FRMPD3: variants seen among roughly 807,000 people sequenced by gnomAD.
The protein encoded by FRMPD3 is FERM and PDZ domain-containing protein 3.
A neutral mutation model predicts 97.9 loss-of-function variants in FRMPD3; 42 were observed. The observed-to-expected ratio is 0.43, with a 90% CI of 0.34 to 0.55. FRMPD3 has a LOEUF of 0.55. FRMPD3 is among the 20% of genes least tolerant of loss of function. The probability of loss-of-function intolerance (pLI) is 0.03; values close to 1 mark genes in which losing one functional copy is unlikely to be tolerated. For missense variants in FRMPD3, 1,303 were observed against 1,457.7 expected (o/e 0.89, Z 1.73); for synonymous variants, 577 against 581.1 (o/e 0.99, Z 0.10).
intron 1 of FRMPD3, among the ~76,000 whole-genome samples, chrX:107,472,557 A>C (rs1921091140): frequency 9.0e-6 from 1 of 111,169 alleles, no homozygotes. Context: ...AAGTGTGTGA[A>C]TCCTTCACCG....
At chrX:107,573,849 G>T (rs180986304) in intron 12 of FRMPD3, among the ~76,000 whole-genome samples, 102 of 112,601 alleles carry the variant, frequency 9.1e-4, no homozygotes, top group Non-Finnish European at 1.7e-3. Context: ...AATAGGAAAA[G>T]AATTTAAAGG....
Position 107,583,721 on chromosome X carries a change from C to G in FRMPD3, c.1441+7262C>G, listed in dbSNP as rs537815804. On this transcript the variant is annotated intron_variant, in intron 13 of 14. Transcript: ENST00000683843. ...CTCCCACCAACAGTGTAAAAGCATT[C>G]CTATTTCTCCACAGCCTCACTAGCA... is the stretch of plus-strand genomic sequence containing the variant. Among the ~76,000 whole-genome samples, 3 of 111,691 alleles carry G rather than the reference C, an allele frequency of 2.7e-5. No homozygotes were observed. The East Asian group carries it at 8.4e-4, about 31-fold the overall frequency.
chrX:107,507,592 G>A (rs924543326), intron 1 of FRMPD3, among the ~76,000 whole-genome samples: 1 of 112,612 alleles, frequency 8.9e-6, no homozygotes, highest in South Asian at 3.7e-4. Flanking sequence ...CCTGCCCTCC[G>A]GTAGGGCGGG....
chrX:107,567,387 C>T (rs1244664991), intron 12 of FRMPD3, among the ~76,000 whole-genome samples: 2 of 111,762 alleles, frequency 1.8e-5, no homozygotes, highest in East Asian at 5.6e-4. Context: ...TTTTCAAAAG[C>T]AAAACATCAG....
chrX:107,587,588 C>A (rs1021753940), intron 13 of FRMPD3, among the ~76,000 whole-genome samples: 1 of 111,449 alleles, frequency 9.0e-6, no homozygotes, highest in Non-Finnish European at 1.9e-5. Flanking sequence ...TGGCTGGTAC[C>A]GGTTTTTCCT....
chrX:107,534,149 T>C (rs1359916664), intron 4 of FRMPD3, among the ~76,000 whole-genome samples: 1 of 112,093 alleles, frequency 8.9e-6, no homozygotes. Context: ...TGCCTGATCA[T>C]AATCGTTGCC....
In FRMPD3 at chrX:107,564,901, G is replaced by A. The variant is rs762335209; in HGVS notation, c.1131G>A (p.Ser377=). 4.1e-6 allele frequency: 5 copies of A among 1,208,646 alleles called. No individual in the cohort carries two copies. The highest frequency in any genetic ancestry group is 1.8e-5 in the African/African-American group (1 of 57,082). Residue 377 remains serine (S), a synonymous_variant, in exon 12 of 15, where the codon TCG becomes TCA. Coordinates refer to ENST00000683843, the MANE Select transcript of FRMPD3 (RefSeq NM_001388459.1). ...TTGGGCACCAGGATGAGAAGCAGTC[G>A]GCCACCACGCTCCTGGTGGGACCCC... ...FNTVGLDEKQ[S]ATTLLVGPRH... is the part of the protein sequence containing the mutation.
Position 107,602,733 on chromosome X carries a change from T to G in FRMPD3, c.4694T>G (p.Leu1565Arg), listed in dbSNP as rs1158978989. Residue 1565 changes from leucine (L) to arginine (R), a missense_variant, in exon 15 of 15, where the codon CTC becomes CGC. Transcript: ENST00000683843. ...PEASRTQEID[L>R]RVSTFEGSLA... The stretch of plus-strand genomic sequence containing the variant: ...GCCTCCCGCACTCAGGAGATTGACC[T>G]CCGTGTGTCCACCTTCGAGGGGAGC... 8.3e-7 allele frequency: 1 copy of G among 1,209,371 alleles called. No individual in the cohort carries two copies. The highest frequency in any genetic ancestry group is 1.1e-6 in the Non-Finnish European group (1 of 895,116).
chrX:107,540,902 A>G (rs1029551807), intron 4 of FRMPD3, among the ~76,000 whole-genome samples: 2 of 112,569 alleles, frequency 1.8e-5, no homozygotes, highest in Non-Finnish European at 3.7e-5. Context: ...ATCATCAGGC[A>G]CGTTTTAAAA....
intron 1 of FRMPD3, among the ~76,000 whole-genome samples, chrX:107,475,780 C>T: frequency 8.9e-6 from 1 of 112,488 alleles, no homozygotes; most frequent in East Asian, 2.8e-4. Context: ...GATGTGGGTT[C>T]CACTTTGAGT....
intron 12 of FRMPD3, among the ~76,000 whole-genome samples, chrX:107,568,998 G>A (rs758187493): frequency 9.1e-6 from 1 of 109,941 alleles, no homozygotes; most frequent in Admixed American, 9.6e-5. Context: ...TTGTAGGATA[G>A]AAATGGACAT....
chrX:107,465,921 A>T (rs1366094926), intron 1 of FRMPD3, among the ~76,000 whole-genome samples: 3 of 112,270 alleles, frequency 2.7e-5, no homozygotes, highest in Non-Finnish European at 3.8e-5. Flanking sequence ...AAGTTTGAGA[A>T]ATGCTGTATA....
rs756898162 is a variant in FRMPD3 at position 107,482,834 on chromosome X, C to T, written c.-8+32829C>T. On this transcript the variant is annotated intron_variant, in intron 1 of 14. Transcript: ENST00000683843. ...AAGAGAGGTTGAAGGATGCAAAAGG[C>T]ATGCATGATTTTCACAATAGAATAA... Among the ~76,000 whole-genome samples, 238 of 111,636 alleles carry T rather than the reference C, an allele frequency of 2.1e-3. 1 individual carries two copies. Among genetic ancestry groups the T allele is most frequent in the African/African-American group, 7.0e-3 (215 of 30,695 alleles).
chrX:107,569,205 G>A (rs1922761398), intron 12 of FRMPD3, among the ~76,000 whole-genome samples: 1 of 103,574 alleles, frequency 9.7e-6, no homozygotes, highest in Non-Finnish European at 1.9e-5. Flanking sequence ...TGAGGCAGGA[G>A]AATCCCTTGA....
At chrX:107,594,006 G>C (rs893857497) in intron 13 of FRMPD3, among the ~76,000 whole-genome samples, 4 of 112,020 alleles carry the variant, frequency 3.6e-5, no homozygotes, top group African/African-American at 9.7e-5. Context: ...ACACACCCAT[G>C]AGCATAGGCT....
At chrX:107,585,066 C>T (rs752458166) in intron 13 of FRMPD3, among the ~76,000 whole-genome samples, 10 of 112,034 alleles carry the variant, frequency 8.9e-5, no homozygotes, top group African/African-American at 2.9e-4. Context: ...TTAATTCTTC[C>T]TGTCCATGAG....
At chrX:107,467,690 G>A (rs1475289094) in intron 1 of FRMPD3, among the ~76,000 whole-genome samples, 2 of 110,436 alleles carry the variant, frequency 1.8e-5, no homozygotes, top group Admixed American at 9.6e-5. Context: ...TAGATGTGAA[G>A]AGTCTAGGCC....
chrX:107,593,147 G>A (rs947795225), intron 13 of FRMPD3, among the ~76,000 whole-genome samples: 1 of 111,632 alleles, frequency 9.0e-6, no homozygotes, highest in Non-Finnish European at 1.9e-5. Context: ...CTGATAATTA[G>A]TGATGTTGCA....
intron 13 of FRMPD3, among the ~76,000 whole-genome samples, chrX:107,587,259 C>T (rs1923692842): frequency 9.0e-6 from 1 of 111,258 alleles, no homozygotes; most frequent in African/African-American, 3.3e-5. Flanking sequence ...TTGTCAGAGA[C>T]TAGGATTACT....
Sources: gnomAD v4.1 joint callset for allele counts (sites outside exome capture counted in the v4.1 genomes callset) on GRCh38, gnomAD v4.1.1 for gene constraint, MANE v1.5 for transcripts, NCBI Gene and HGNC (gene_info 2026-07-23, HGNC 2026-07-21) for gene names.